RUVBL1: variants seen among roughly 807,000 people sequenced by gnomAD.
RUVBL1 encodes the protein ruvB-like 1.
A neutral mutation model predicts 52.4 loss-of-function variants in RUVBL1; 4 were observed. The ratio of observed to expected loss-of-function variants is 0.08; its 90% CI spans 0.04 to 0.17. RUVBL1 has a LOEUF of 0.17. Ranked by LOEUF, RUVBL1 falls within the 10% of genes least tolerant of loss-of-function variation. RUVBL1 has a pLI of 1.00. For missense variants in RUVBL1, 298 were observed against 572.8 expected (o/e 0.52, Z 4.90); for synonymous variants, 217 against 214.4 (o/e 1.01, Z -0.10).
chr3:128,067,236 C>T lies in RUVBL1; in HGVS notation c.940-2016G>A. 1 of 1,380,196 alleles carries T rather than the reference C, an allele frequency of 7.2e-7. No individual in the cohort carries two copies. Among genetic ancestry groups the T allele is most frequent in the East Asian group, 2.3e-5 (1 of 43,570 alleles). 85.5% of individuals were successfully genotyped at this position (1,380,196 alleles called of 1,614,324 possible). A position where few individuals can be genotyped will look rare whatever the true frequency, so the allele number is the denominator to read the frequency against. ...GTGTCTTGCTCATGAACAGATATTTCATCCAAAGATATTTTCCATTGTGCC... is the reference window on the plus strand; with the variant it reads ...GTGTCTTGCTCATGAACAGATATTTTATCCAAAGATATTTTCCATTGTGCC... On this transcript the variant is annotated intron_variant, in intron 9 of 9. Coordinates refer to the RUVBL1 transcript ENST00000464873. The surrounding 1 kb of genome is among the most constrained non-coding windows in gnomAD (Gnocchi z 4.1).
intron 9 of RUVBL1, 53 bp downstream of exon 9, chr3:128,087,653 G>T (rs1459799254): frequency 2.8e-6 from 4 of 1,446,276 alleles, no homozygotes; most frequent in Non-Finnish European, 2.9e-6. Flanking sequence ...AGCCACCAGT[G>T]AACACTGGGA....
intron 2 of RUVBL1, among the ~76,000 whole-genome samples, chr3:128,117,200 G>C (rs1340771104): frequency 6.6e-6 from 1 of 152,156 alleles, no homozygotes; most frequent in Non-Finnish European, 1.5e-5. Flanking sequence ...GAGACAATTA[G>C]ACTGGAACAA....
chr3:128,122,868 C>G (rs1279915608), intron 1 of RUVBL1, among the ~76,000 whole-genome samples: 2 of 152,180 alleles, frequency 1.3e-5, no homozygotes, highest in East Asian at 1.9e-4. Flanking sequence ...GAAGTGCCCT[C>G]TCCCCAACTC....
exon 10 of RUVBL1, chr3:128,064,955 A>G: frequency 1.2e-6 from 2 of 1,614,198 alleles, no homozygotes; most frequent in Non-Finnish European, 1.7e-6. Context: ...GCCCTTCGGG[A>G]GGCGTTCTAC....
chr3:128,097,827 C>T (rs1388588965), intron 7 of RUVBL1, among the ~76,000 whole-genome samples: 1 of 152,238 alleles, frequency 6.6e-6, no homozygotes, highest in Non-Finnish European at 1.5e-5. Flanking sequence ...TGCCTTATCA[C>T]TTCCCACATA....
chr3:128,138,346 TAAAC>T (rs1274726461), intron 1 of RUVBL1, among the ~76,000 whole-genome samples: 1 of 151,958 alleles, frequency 6.6e-6, no homozygotes, highest in Non-Finnish European at 1.5e-5. Flanking sequence ...TTAAAAGTGA[TAAAC>T]AAATTCAATA....
downstream of RUVBL1, among the ~76,000 whole-genome samples, chr3:128,077,772 G>A (rs1942374798): frequency 6.6e-6 from 1 of 152,240 alleles, no homozygotes; most frequent in Non-Finnish European, 1.5e-5. Flanking sequence ...CCTTCCAAGT[G>A]CCAGCTGTCT....
rs538493910 is a variant in RUVBL1 at position 128,119,406 on chromosome 3, G to A, written c.150C>T (p.Gly50=). The A allele has an allele frequency of 1.4e-5, 23 of 1,612,560 alleles. No individual in the cohort carries two copies. In the African/African-American group the frequency reaches 1.5e-4, roughly 10 times the overall value. ...VGQENAREAC[G]VIVELIKSKK... is the part of the protein sequence containing the mutation. ...TGCTTTTGATTAATTCTACTATGAC[G>A]CCACATGCCTACACACCACAATGGA... Residue 50 remains glycine (G), a synonymous_variant, in exon 2 of 11, where the codon GGC becomes GGT. Coordinates refer to ENST00000322623, the MANE Select transcript of RUVBL1 (RefSeq NM_003707.3).
chr3:128,066,940 G>A lies in RUVBL1; in HGVS notation c.940-1720C>T, dbSNP rs773757716. On this transcript the variant is annotated intron_variant, in intron 9 of 9. Coordinates refer to the RUVBL1 transcript ENST00000464873. ...GAGGCAGTGAAGGGGATTTGGTTCTGTTTGGCTTCTCAGGGCTTCCGAGTG... is the reference window on the plus strand; with the variant it reads ...GAGGCAGTGAAGGGGATTTGGTTCTATTTGGCTTCTCAGGGCTTCCGAGTG... 83 of 1,614,032 alleles carry A rather than the reference G, an allele frequency of 5.1e-5. No individual in the cohort carries two copies. Among genetic ancestry groups the A allele is most frequent in the East Asian group, 8.9e-5 (4 of 44,896 alleles).
chr3:128,105,132 A>T (rs1174591951), intron 3 of RUVBL1, among the ~76,000 whole-genome samples: 1 of 131,558 alleles, frequency 7.6e-6, no homozygotes, highest in African/African-American at 3.0e-5. Flanking sequence ...TTTTTTTTTG[A>T]GATAGAGTCT....
chr3:128,144,670 C>T (rs1944077119), intron 1 of RUVBL1, among the ~76,000 whole-genome samples: 1 of 152,206 alleles, frequency 6.6e-6, no homozygotes, highest in Admixed American at 6.5e-5. Flanking sequence ...CTCCAGGCAT[C>T]CTCAGCTACC....
chr3:128,065,234 A>G, intron 9 of RUVBL1: 1 of 678,020 alleles, frequency 1.5e-6, no homozygotes, highest in Non-Finnish European at 2.6e-6. Context: ...CCATTAACGA[A>G]ACAAAATTAA....
At chr3:128,136,623 C>A (rs868733030) in intron 1 of RUVBL1, among the ~76,000 whole-genome samples, 2,903 of 111,592 alleles carry the variant, frequency 0.026, no homozygotes, top group South Asian at 0.031. Context: ...GAGACCCTGT[C>A]AAAAAAAAAA....
chr3:128,110,006 G>C (rs1021993035), intron 3 of RUVBL1, among the ~76,000 whole-genome samples: 3 of 151,370 alleles, frequency 2.0e-5, no homozygotes, highest in African/African-American at 7.3e-5. Context: ...TAGTAGAGAC[G>C]GGGTTTCACC....
chr3:128,099,492 C>CT (rs1190088139), intron 6 of RUVBL1, among the ~76,000 whole-genome samples: 1 of 152,208 alleles, frequency 6.6e-6, no homozygotes, highest in African/African-American at 2.4e-5. Context: ...GCTGTGCCTC[C>CT]TCTCACTAGA....
chr3:128,073,268 C>T (rs960219232), intron 9 of RUVBL1, among the ~76,000 whole-genome samples: 1 of 152,154 alleles, frequency 6.6e-6, no homozygotes, highest in Non-Finnish European at 1.5e-5. Context: ...GGGCAGCACC[C>T]GCTTCAACTG....
intron 1 of RUVBL1, among the ~76,000 whole-genome samples, chr3:128,136,162 C>G (rs1436313290): frequency 6.7e-6 from 1 of 148,808 alleles, no homozygotes; most frequent in Non-Finnish European, 1.5e-5. Context: ...CAGAGAAAAT[C>G]ACCATCACAA....
intron 8 of RUVBL1, among the ~76,000 whole-genome samples, chr3:128,091,261 G>A (rs1316582924): frequency 1.3e-5 from 2 of 151,630 alleles, no homozygotes; most frequent in South Asian, 2.1e-4. Context: ...TGCCAGCAGC[G>A]GTGCTAGGCC....
chr3:128,136,801 T>C (rs994563097), intron 1 of RUVBL1, among the ~76,000 whole-genome samples: 1 of 151,920 alleles, frequency 6.6e-6, no homozygotes, highest in Admixed American at 6.6e-5. Context: ...AAAAACTATA[T>C]AAGGAGACAA....
Sources: gnomAD v4.1 joint callset for allele counts (sites outside exome capture counted in the v4.1 genomes callset) on GRCh38, gnomAD v4.1.1 for gene constraint, Gnocchi (gnomAD v3.1) non-coding constraint, MANE v1.5 for transcripts, NCBI Gene and HGNC (gene_info 2026-07-23, HGNC 2026-07-21) for gene names.